Variants in CRYBG1 observed in about 807,000 individuals in gnomAD.
CRYBG1 encodes beta/gamma crystallin domain-containing protein 1.
CRYBG1 carries 139 observed loss-of-function variants against 189.2 expected under a neutral mutation model. That is an observed-to-expected ratio of 0.73 (90% CI 0.64 to 0.85). The LOEUF (loss-of-function observed/expected upper bound fraction) is 0.85. Among genes scored for constraint, CRYBG1 ranks in the 40% least tolerant of loss-of-function variants. The pLI is 0.00. For synonymous variants in CRYBG1, 1,023 were observed against 1,017.1 expected (o/e 1.01, Z -0.11); for missense variants, 2,611 against 2,675.8 (o/e 0.98, Z 0.53).
rs1775076396 is a variant in CRYBG1, at chr6:106,571,993, TATTTA to T, written c.*3429_*3433del. 2.5e-6 allele frequency: 4 copies of T among 1,608,488 alleles called. No individual in the cohort carries two copies. Among genetic ancestry groups the T allele is most frequent in the Admixed American group, 3.3e-5 (2 of 59,948 alleles). ...GTCAACAATCACTAAACTGCATTTTTATTTAAACAACATTAATTACAGTCTTTCCT... is the reference window on the plus strand; with the variant it reads ...GTCAACAATCACTAAACTGCATTTTTAACAACATTAATTACAGTCTTTCCT... On this transcript the variant is annotated 3_prime_UTR_variant, in exon 22 of 22. Coordinates refer to ENST00000633556, the MANE Select transcript of CRYBG1 (RefSeq NM_001371242.2).
chr6:106,502,359 T>G (rs1773029578), intron 2 of CRYBG1, among the ~76,000 whole-genome samples: 1 of 152,242 alleles, frequency 6.6e-6, no homozygotes, highest in Non-Finnish European at 1.5e-5. Context: ...GGAACTGATT[T>G]GATGACTTCA....
At chr6:106,476,940 T>C (rs1172621117) in intron 2 of CRYBG1, among the ~76,000 whole-genome samples, 1 of 152,230 alleles carries the variant, frequency 6.6e-6, no homozygotes, top group Non-Finnish European at 1.5e-5. Flanking sequence ...TTCAGTTTAC[T>C]CATCTACCTC....
chr6:106,513,302 A>C (rs887230140), intron 3 of CRYBG1, among the ~76,000 whole-genome samples: 1 of 152,206 alleles, frequency 6.6e-6, no homozygotes, highest in African/African-American at 2.4e-5. Flanking sequence ...TTGAAGCTCA[A>C]CGTTTATGTA....
At chr6:106,437,721 G>C (rs992573229) in intron 1 of CRYBG1, among the ~76,000 whole-genome samples, 5 of 152,230 alleles carry the variant, frequency 3.3e-5, no homozygotes, top group African/African-American at 1.2e-4. Context: ...ACAGGCATGA[G>C]CTACTGCACC....
At chr6:106,392,789 A>T (rs1211247983) in intron 1 of CRYBG1, among the ~76,000 whole-genome samples, 2 of 151,666 alleles carry the variant, frequency 1.3e-5, no homozygotes, top group African/African-American at 4.8e-5. Flanking sequence ...TTTTTGAGAC[A>T]GAGTTTTGCT....
chr6:106,534,489 C>T (rs940050168), intron 8 of CRYBG1, among the ~76,000 whole-genome samples: 1 of 152,208 alleles, frequency 6.6e-6, no homozygotes, highest in Non-Finnish European at 1.5e-5. Flanking sequence ...ATAGTAAGTA[C>T]TGAAGCTCAT....
chr6:106,556,475 A>C (rs549297686), intron 17 of CRYBG1, among the ~76,000 whole-genome samples: 29 of 152,260 alleles, frequency 1.9e-4, no homozygotes, highest in African/African-American at 6.3e-4. Flanking sequence ...ATAGGTTTTT[A>C]GTCTATTATT....
At chr6:106,377,415 T>C (rs954483922) in intron 1 of CRYBG1, among the ~76,000 whole-genome samples, 2 of 152,088 alleles carry the variant, frequency 1.3e-5, no homozygotes, top group Non-Finnish European at 2.9e-5. Context: ...TAGATCTGAG[T>C]CATGACTTTT....
chr6:106,507,212 C>T (rs1026597899), intron 2 of CRYBG1, among the ~76,000 whole-genome samples: 1 of 152,186 alleles, frequency 6.6e-6, no homozygotes, highest in Non-Finnish European at 1.5e-5. Flanking sequence ...CCAACAAGAA[C>T]ACTCTAAAGC....
intron 1 of CRYBG1, among the ~76,000 whole-genome samples, chr6:106,430,456 C>A (rs1038303518): frequency 6.6e-6 from 1 of 152,154 alleles, no homozygotes; most frequent in Non-Finnish European, 1.5e-5. Context: ...GTGACTTCAG[C>A]CTGCTTCGGT....
intron 17 of CRYBG1, among the ~76,000 whole-genome samples, chr6:106,558,264 T>C (rs1425562151): frequency 6.6e-6 from 1 of 151,908 alleles, no homozygotes; most frequent in East Asian, 1.9e-4. Context: ...AAACTATTTA[T>C]ATTTACCTGC....
At chr6:106,548,618 T>G (rs568032592) in intron 13 of CRYBG1, among the ~76,000 whole-genome samples, 2 of 152,180 alleles carry the variant, frequency 1.3e-5, no homozygotes, top group African/African-American at 4.8e-5. Context: ...AACCCTCTTA[T>G]CTCTCTACTT....
intron 1 of CRYBG1, among the ~76,000 whole-genome samples, chr6:106,388,806 A>G (rs554028515): frequency 2.6e-5 from 4 of 152,370 alleles, no homozygotes; most frequent in East Asian, 1.9e-4. Context: ...GGTTATCGCC[A>G]TCTTGTAAAA....
At chr6:106,369,066 AT>A (rs2114296295) in intron 1 of CRYBG1, among the ~76,000 whole-genome samples, 1 of 152,320 alleles carries the variant, frequency 6.6e-6, no homozygotes, top group Admixed American at 6.5e-5. Flanking sequence ...ATGATTTGTC[AT>A]TTAAATGTGT....
chr6:106,519,012 A>G (rs1773514704), intron 3 of CRYBG1, 119 bp from the exon 4 acceptor site: 1 of 911,322 alleles, frequency 1.1e-6, no homozygotes, highest in Non-Finnish European at 1.6e-6. Context: ...CACACACCAC[A>G]CTCCAAATGT....
At chr6:106,462,272 G>T (rs367595730) in intron 2 of CRYBG1, among the ~76,000 whole-genome samples, 60 of 152,290 alleles carry the variant, frequency 3.9e-4, no homozygotes, top group African/African-American at 1.3e-3. Context: ...CCGGGTTCAC[G>T]CCATTCTCCC....
chr6:106,391,058 A>G (rs1374946970), intron 1 of CRYBG1, among the ~76,000 whole-genome samples: 1 of 152,120 alleles, frequency 6.6e-6, no homozygotes, highest in Non-Finnish European at 1.5e-5. Context: ...GAAGAGTTCC[A>G]GTTGCTTGTC....
intron 2 of CRYBG1, among the ~76,000 whole-genome samples, chr6:106,461,943 A>G (rs1772014724): frequency 2.6e-5 from 4 of 152,178 alleles, no homozygotes; most frequent in Admixed American, 2.6e-4. Context: ...ATCTTGAGGT[A>G]AGTCCTTGAT....
At chr6:106,462,488 G>T (rs1037749097) in intron 2 of CRYBG1, among the ~76,000 whole-genome samples, 16 of 152,198 alleles carry the variant, frequency 1.1e-4, no homozygotes, top group African/African-American at 3.6e-4. Flanking sequence ...TGTTTTTGCA[G>T]CTGGTTAGAG....
Sources: allele counts gnomAD v4.1 joint callset (sites outside exome capture counted in the v4.1 genomes callset), GRCh38; gene constraint gnomAD v4.1.1; transcripts MANE v1.5; gene names NCBI Gene and HGNC (gene_info 2026-07-23, HGNC 2026-07-21).